ACBD6: variants seen among roughly 807,000 people sequenced by gnomAD.
ACBD6 encodes the protein acyl-CoA binding domain containing 6, also known as acyl-CoA-binding domain-containing protein 6.
In ACBD6, 28 loss-of-function variants were observed where a neutral mutation model predicts 37.2. That is an observed-to-expected ratio of 0.75 (90% CI 0.56 to 1.03). The LOEUF is 1.03. Ranked by LOEUF, ACBD6 falls within the 50% of genes least tolerant of loss-of-function variation. The probability of loss-of-function intolerance (pLI) is 0.00; values close to 1 mark genes in which losing one functional copy is unlikely to be tolerated. For synonymous variants in ACBD6, 113 were observed against 126.8 expected (o/e 0.89, Z 0.73); for missense variants, 340 against 337.4 (o/e 1.01, Z -0.06).
At chr1:180,430,319 T>A in intron 3 of ACBD6, 57 bp from the exon 4 acceptor site, 1 of 1,338,178 alleles carries the variant, frequency 7.5e-7, no homozygotes, top group Non-Finnish European at 1.1e-6. Flanking sequence ...ACAATAGGTA[T>A]TTAAATCAGT....
intron 6 of ACBD6, among the ~76,000 whole-genome samples, chr1:180,387,537 A>T (rs983563671): frequency 6.6e-6 from 1 of 152,164 alleles, no homozygotes; most frequent in Non-Finnish European, 1.5e-5. Flanking sequence ...CTGGTGAGGA[A>T]AGGAAATCAC....
At chr1:180,404,836 C>A (rs1161628169) in intron 5 of ACBD6, among the ~76,000 whole-genome samples, 1 of 152,156 alleles carries the variant, frequency 6.6e-6, no homozygotes, top group Non-Finnish European at 1.5e-5. Context: ...TATTTTACCA[C>A]AATTAAAAAA....
chr1:180,375,531 G>A (rs1474839373), intron 6 of ACBD6, among the ~76,000 whole-genome samples: 1 of 152,228 alleles, frequency 6.6e-6, no homozygotes, highest in Admixed American at 6.5e-5. Context: ...TTGCTTTGTT[G>A]TGCAGGCTGT....
intron 6 of ACBD6, among the ~76,000 whole-genome samples, chr1:180,337,748 G>C (rs1401104793): frequency 5.9e-5 from 9 of 152,164 alleles, no homozygotes; most frequent in Admixed American, 5.9e-4. Context: ...TGTATATCTA[G>C]AAAACCCCAT....
chr1:180,374,797 A>T (rs975111302), intron 6 of ACBD6, among the ~76,000 whole-genome samples: 26 of 152,254 alleles, frequency 1.7e-4, no homozygotes, highest in African/African-American at 6.3e-4. Context: ...TGTAAGAATT[A>T]TATTGAAGTA....
chr1:180,375,163 G>T (rs1472555568), intron 6 of ACBD6, among the ~76,000 whole-genome samples: 1 of 152,092 alleles, frequency 6.6e-6, no homozygotes, highest in Non-Finnish European at 1.5e-5. Context: ...GAAAAACTAT[G>T]AAAGAGAAAT....
intron 7 of ACBD6, among the ~76,000 whole-genome samples, chr1:180,301,221 G>A (rs1307108100): frequency 6.6e-6 from 1 of 152,136 alleles, no homozygotes; most frequent in Non-Finnish European, 1.5e-5. Context: ...AGTACAAAAT[G>A]CACACAGAAG....
chr1:180,397,439 A>C, intron 6 of ACBD6, 77 bp downstream of exon 6: 1 of 1,262,150 alleles, frequency 7.9e-7, no homozygotes, highest in Non-Finnish European at 1.2e-6. Flanking sequence ...ATTTCAAAAG[A>C]GTTAATCTGG....
chr1:180,453,133 G>A (rs975756370), intron 3 of ACBD6, among the ~76,000 whole-genome samples: 1 of 152,132 alleles, frequency 6.6e-6, no homozygotes, highest in Non-Finnish European at 1.5e-5. Context: ...TTTCAGGCCA[G>A]TATCCCTGAT....
intron 3 of ACBD6, among the ~76,000 whole-genome samples, chr1:180,473,078 G>A (rs1650630448): frequency 6.6e-6 from 1 of 152,132 alleles, no homozygotes; most frequent in African/African-American, 2.4e-5. Context: ...GAAAGATTAA[G>A]ATAGTGGTAA....
At chr1:180,495,300 T>C (rs1651688191) in intron 2 of ACBD6, among the ~76,000 whole-genome samples, 161 bp downstream of exon 2, 1 of 152,332 alleles carries the variant, frequency 6.6e-6, no homozygotes, top group South Asian at 2.1e-4. Context: ...TAGCTAAAAG[T>C]AGATTTCTTT....
chr1:180,281,114 T>C (rs1368191981), intron 9 of ACBD6, among the ~76,000 whole-genome samples: 1 of 152,176 alleles, frequency 6.6e-6, no homozygotes, highest in Non-Finnish European at 1.5e-5. Flanking sequence ...TTTGGGATTA[T>C]AAAATGGCTG....
intron 5 of ACBD6, among the ~76,000 whole-genome samples, chr1:180,405,502 C>T (rs897575776): frequency 6.6e-6 from 1 of 152,062 alleles, no homozygotes; most frequent in Non-Finnish European, 1.5e-5. Context: ...CTATGGAAAA[C>T]CAATGAACTA....
intron 6 of ACBD6, among the ~76,000 whole-genome samples, chr1:180,387,239 C>T (rs1432156723): frequency 1.3e-5 from 2 of 152,176 alleles, no homozygotes; most frequent in Non-Finnish European, 2.9e-5. Context: ...GTATAATGTA[C>T]GAGTCACTCT....
chr1:180,435,434 T>TTC, intron 3 of ACBD6: 1 of 386,258 alleles, frequency 2.6e-6, no homozygotes, highest in South Asian at 3.1e-5. Context: ...TTTTTTTTTT[T>TTC]AGTAGAGACG....
At chr1:180,413,556 A>G (rs1379544812) in intron 4 of ACBD6, 85 bp from the exon 5 acceptor site, 1 of 1,062,088 alleles carries the variant, frequency 9.4e-7, no homozygotes, top group Non-Finnish European at 1.4e-6. Flanking sequence ...TGCTGCTGAC[A>G]TAGATGTTAA....
intron 3 of ACBD6, among the ~76,000 whole-genome samples, chr1:180,450,590 C>T (rs1649665160): frequency 1.3e-5 from 2 of 152,066 alleles, no homozygotes; most frequent in African/African-American, 4.8e-5. Flanking sequence ...AACTCCGTCT[C>T]TACTAAAAAA....
intron 1 of ACBD6, 98 bp downstream of exon 1, chr1:180,501,947 A>C (rs1473141955): frequency 8.7e-5 from 105 of 1,203,630 alleles, no homozygotes; most frequent in Non-Finnish European, 1.2e-6. Flanking sequence ...CACAAGCTTC[A>C]TTACACCTAG....
intron 3 of ACBD6, among the ~76,000 whole-genome samples, chr1:180,463,094 T>A (rs1385129103): frequency 6.6e-6 from 1 of 152,114 alleles, no homozygotes; most frequent in Non-Finnish European, 1.5e-5. Context: ...AGAGGGAAAT[T>A]TATAGCACTA....
Sources: allele counts gnomAD v4.1 joint callset (sites outside exome capture counted in the v4.1 genomes callset), GRCh38; gene constraint gnomAD v4.1.1; transcripts MANE v1.5; gene names NCBI Gene and HGNC (gene_info 2026-07-23, HGNC 2026-07-21).